Variants in FBXL17 observed in about 807,000 individuals in gnomAD.
FBXL17 encodes the protein F-box/LRR-repeat protein 17.
A neutral mutation model predicts 66.2 loss-of-function variants in FBXL17; 22 were observed. The observed-to-expected ratio is 0.33, with a 90% CI of 0.24 to 0.47. FBXL17 has a LOEUF of 0.47. Ranked by LOEUF, FBXL17 falls within the 20% of genes least tolerant of loss-of-function variation. FBXL17 has a pLI of 1.00. For missense variants in FBXL17, 878 were observed against 948.2 expected, an observed-to-expected ratio of 0.93 and a Z score of 0.97; for synonymous variants, 474 against 400.5, an observed-to-expected ratio of 1.18 and a Z score of -2.19.
chr5:108,089,933 T>A (rs544817340), intron 6 of FBXL17, among the ~76,000 whole-genome samples: 3 of 152,052 alleles, frequency 2.0e-5, no homozygotes, highest in Non-Finnish European at 4.4e-5. Flanking sequence ...GCTCAAGCAA[T>A]CTTCCCATCT....
At chr5:108,144,740 T>C (rs565175290) in intron 6 of FBXL17, among the ~76,000 whole-genome samples, 56 of 152,256 alleles carry the variant, frequency 3.7e-4, no homozygotes, top group African/African-American at 1.2e-3. Context: ...ACATATAATC[T>C]ACTGAAATTC....
chr5:107,869,992 T>C (rs900649460), intron 8 of FBXL17, among the ~76,000 whole-genome samples: 5 of 152,166 alleles, frequency 3.3e-5, no homozygotes, highest in African/African-American at 1.2e-4. Context: ...AATAAAGTGG[T>C]TGTCAACCCA....
chr5:108,116,844 T>A (rs1389975629), intron 6 of FBXL17, among the ~76,000 whole-genome samples: 2 of 152,026 alleles, frequency 1.3e-5, no homozygotes, highest in African/African-American at 2.4e-5. Context: ...CAGCCTTGTA[T>A]CCTCAGCTTT....
intron 6 of FBXL17, among the ~76,000 whole-genome samples, chr5:108,079,191 G>A (rs76185088): frequency 0.011 from 1,591 of 150,312 alleles, 28 homozygotes; most frequent in African/African-American, 0.038. Flanking sequence ...CCTTTTGTGA[G>A]TTGATTTTTT....
chr5:108,258,941 A>C (rs1231114528), intron 4 of FBXL17, among the ~76,000 whole-genome samples: 1 of 152,130 alleles, frequency 6.6e-6, no homozygotes, highest in Admixed American at 6.5e-5. Context: ...GACATAATAA[A>C]AGCTGTAATA....
At chr5:108,137,772 T>C (rs775502674) in intron 6 of FBXL17, among the ~76,000 whole-genome samples, 19 of 152,196 alleles carry the variant, frequency 1.2e-4, no homozygotes, top group Non-Finnish European at 2.6e-4. Context: ...ATTTATTTCA[T>C]ACAATGTTTC....
intron 6 of FBXL17, among the ~76,000 whole-genome samples, chr5:108,117,586 A>T (rs1007216799): frequency 1.5e-4 from 23 of 152,208 alleles, no homozygotes; most frequent in Non-Finnish European, 2.9e-5. Context: ...AGACCCTCAA[A>T]GATTAAAATC....
At chr5:108,102,484 C>A (rs1258563276) in intron 6 of FBXL17, among the ~76,000 whole-genome samples, 1 of 152,062 alleles carries the variant, frequency 6.6e-6, no homozygotes, top group Non-Finnish European at 1.5e-5. Flanking sequence ...ATTGCTTAAA[C>A]CTTTGTGAGA....
intron 7 of FBXL17, among the ~76,000 whole-genome samples, chr5:107,980,719 C>T (rs1432928514): frequency 5.3e-5 from 7 of 132,908 alleles, no homozygotes; most frequent in Non-Finnish European, 7.8e-5. Context: ...TGCAGTGGCG[C>T]GATCTCGGCT....
intron 6 of FBXL17, among the ~76,000 whole-genome samples, chr5:108,142,774 G>A (rs1751400758): frequency 6.6e-6 from 1 of 151,922 alleles, no homozygotes; most frequent in Non-Finnish European, 1.5e-5. Context: ...GTAAGCAGTG[G>A]GCAACCAAGT....
At chr5:107,899,699 T>C (rs1160459888) in intron 7 of FBXL17, among the ~76,000 whole-genome samples, 1 of 152,202 alleles carries the variant, frequency 6.6e-6, no homozygotes, top group Non-Finnish European at 1.5e-5. Flanking sequence ...GGTTATTCCA[T>C]ACGAATGAAT....
intron 6 of FBXL17, among the ~76,000 whole-genome samples, chr5:108,176,553 A>G (rs1752800382): frequency 6.6e-6 from 1 of 152,158 alleles, no homozygotes; most frequent in African/African-American, 2.4e-5. Flanking sequence ...AGACAAAATA[A>G]TGTCAACATG....
chr5:108,100,450 A>G (rs977064918), intron 6 of FBXL17, among the ~76,000 whole-genome samples: 4 of 152,188 alleles, frequency 2.6e-5, no homozygotes, highest in Non-Finnish European at 5.9e-5. Flanking sequence ...ACTGTTTCTA[A>G]GCAAATCCCA....
chr5:108,256,353 TTTA>T, intron 4 of FBXL17, among the ~76,000 whole-genome samples: 1 of 152,274 alleles, frequency 6.6e-6, no homozygotes. Flanking sequence ...TGGGCAAAAG[TTTA>T]TTTTTTTATT....
intron 6 of FBXL17, among the ~76,000 whole-genome samples, chr5:108,043,738 A>G (rs1747138024): frequency 6.6e-6 from 1 of 152,188 alleles, no homozygotes; most frequent in Admixed American, 6.5e-5. Flanking sequence ...AGTCTTATCT[A>G]TATCTACAAA....
chr5:108,103,499 T>C (rs537597001), intron 6 of FBXL17, among the ~76,000 whole-genome samples: 67 of 152,340 alleles, frequency 4.4e-4, no homozygotes, highest in Non-Finnish European at 8.1e-4. Context: ...GAACCTTTAG[T>C]ATAAAATACT....
At chr5:108,154,574 G>T (rs1580523854) in intron 6 of FBXL17, among the ~76,000 whole-genome samples, 2 of 83,268 alleles carry the variant, frequency 2.4e-5, no homozygotes, top group Admixed American at 1.4e-4. Flanking sequence ...TGGGCAACAA[G>T]AATGAAACTC....
chr5:108,210,950 C>T (rs982108512), intron 5 of FBXL17, among the ~76,000 whole-genome samples: 2 of 152,150 alleles, frequency 1.3e-5, no homozygotes, highest in Non-Finnish European at 2.9e-5. Context: ...GAGTCTAAGT[C>T]TCCTTGTAGG....
chr5:108,371,848 A>G (rs764123595), intron 1 of FBXL17, among the ~76,000 whole-genome samples: 5 of 152,222 alleles, frequency 3.3e-5, no homozygotes, highest in Admixed American at 6.5e-5. Flanking sequence ...TAAGCCAAAG[A>G]TGACCTCTGT....
Sources: allele counts gnomAD v4.1 joint callset (sites outside exome capture counted in the v4.1 genomes callset), GRCh38; gene constraint gnomAD v4.1.1; transcripts MANE v1.5; gene names NCBI Gene and HGNC (gene_info 2026-07-23, HGNC 2026-07-21).